Variants in TAT observed in about 807,000 individuals in gnomAD.
The protein encoded by TAT is tyrosine aminotransferase, also known as L-tyrosine:2-oxoglutarate aminotransferase.
In TAT, 35 loss-of-function variants were observed where a neutral mutation model predicts 53.6. The ratio of observed to expected loss-of-function variants is 0.65; its 90% CI spans 0.50 to 0.87. The LOEUF is 0.87. TAT is among the 40% of genes least tolerant of loss of function. The pLI is 0.00. For synonymous variants in TAT, 197 were observed against 206.5 expected, an observed-to-expected ratio of 0.95 and a Z score of 0.39; for missense variants, 525 against 571.8, an observed-to-expected ratio of 0.92 and a Z score of 0.83.
At chr16:71,575,827 C>T in intron 3 of TAT, 95 bp downstream of exon 3, 1 of 1,256,680 alleles carries the variant, frequency 8.0e-7, no homozygotes, top group Non-Finnish European at 1.2e-6. Context: ...AATTGTGCAT[C>T]AGGAAAGTGA....
chr16:71,571,935 A>G, intron 6 of TAT: 1 of 624,202 alleles, frequency 1.6e-6, no homozygotes, highest in Non-Finnish European at 2.8e-6. Context: ...CTTCAACGTG[A>G]TGGGAGTGAT....
chr16:71,569,011 TC>T (rs2044182668), intron 10 of TAT, among the ~76,000 whole-genome samples: 1 of 152,202 alleles, frequency 6.6e-6, no homozygotes, highest in South Asian at 2.1e-4. Flanking sequence ...ATTAAAGAGT[TC>T]CTTCCCTGAT....
chr16:71,573,779 C>A (rs1713205017), intron 3 of TAT, among the ~76,000 whole-genome samples, 173 bp from the exon 4 acceptor site: 1 of 152,022 alleles, frequency 6.6e-6, no homozygotes, highest in Admixed American at 6.6e-5. Flanking sequence ...TATAGTCGTG[C>A]TCCCCCACAT....
At position 71,567,754 on chromosome 16, in the gene TAT, TG is replaced by T; in HGVS notation, c.*389del. The T allele has an allele frequency of 3.8e-5, 12 of 312,908 alleles. No homozygotes were observed. The highest frequency in any genetic ancestry group is 8.9e-5 in the South Asian group (3 of 33,550). 19.4% of individuals were successfully genotyped at this position (312,908 alleles called of 1,614,324 possible). On this transcript the variant is annotated 3_prime_UTR_variant, in exon 12 of 12. Coordinates refer to ENST00000355962, the MANE Select transcript of TAT (RefSeq NM_000353.3). ...AGAGAGCGTGTTCTTTCTTAGAGTC[TG>T]AGGAAATGGTTGGGGGCACAAATTC...
intron 4 of TAT, 128 bp from the exon 5 acceptor site, chr16:71,572,816 T>A: frequency 9.8e-7 from 1 of 1,017,944 alleles, no homozygotes; most frequent in Non-Finnish European, 1.5e-6. Flanking sequence ...GTAGGAAATG[T>A]ACTAAGCCAA....
intron 11 of TAT, 141 bp downstream of exon 11, chr16:71,568,570 C>T: frequency 1.3e-6 from 1 of 779,478 alleles, no homozygotes; most frequent in Non-Finnish European, 2.2e-6. Context: ...AAATAGGATC[C>T]ATGAGACACA....
Position 71,572,517 on chromosome 16 carries a change from A to G in TAT, c.567+13T>C, listed in dbSNP as rs2044209875. Reference sequence around the variant, plus strand: ...AACTGAGCATTTGAGTCTAAGATTAAAAAGTCATTTACCAACAAATTGTAG... The same window carrying G: ...AACTGAGCATTTGAGTCTAAGATTAGAAAGTCATTTACCAACAAATTGTAG... On this transcript the variant is annotated intron_variant, in intron 5 of 11. Coordinates refer to ENST00000355962, the MANE Select transcript of TAT (RefSeq NM_000353.3). 2 of 1,614,080 alleles carry G rather than the reference A, an allele frequency of 1.2e-6. No individual in the cohort carries two copies. The highest frequency in any genetic ancestry group is 1.7e-5 in the Admixed American group (1 of 60,008).
At position 71,568,472 on chromosome 16, in the gene TAT, G is replaced by C. The variant is rs187306732; in HGVS notation, c.1225-188C>G. On this transcript the variant is annotated intron_variant, in intron 11 of 11. Transcript: ENST00000355962. Reference sequence around the variant, plus strand: ...TCATCTTAAAATGACTTGTGGGACAGGATCAATTTCCTCTCACCTAGAACG... The same window carrying C: ...TCATCTTAAAATGACTTGTGGGACACGATCAATTTCCTCTCACCTAGAACG... 1,280 of 690,044 alleles carry C rather than the reference G, an allele frequency of 1.9e-3. 2 individuals carry two copies. Among genetic ancestry groups the C allele is most frequent in the Non-Finnish European group, 2.6e-3 (1,055 of 404,350 alleles). The allele number at this position is 690,044 out of a possible 1,614,324, so 42.7% of individuals were successfully genotyped here.
At position 71,568,109 on chromosome 16, in the gene TAT, A is replaced by G; in HGVS notation, c.*35T>C. 1 of 1,614,082 alleles carries G rather than the reference A, an allele frequency of 6.2e-7. No individual in the cohort carries two copies. The highest frequency in any genetic ancestry group is 8.5e-7 in the Non-Finnish European group (1 of 1,179,972). On this transcript the variant is annotated 3_prime_UTR_variant, in exon 12 of 12. Coordinates refer to ENST00000355962, the MANE Select transcript of TAT (RefSeq NM_000353.3). ...CGCAAGGCCTAGTCCAGCCTTCCCT[A>G]GATGGGACACATCCTCAGGAGAATG... is the stretch of plus-strand genomic sequence containing the variant.
rs1268602692 is a variant in TAT at position 71,567,045 on chromosome 16, T to C, written c.*1099A>G. The C allele has an allele frequency of 6.6e-6, 1 of 152,252 alleles. No individual in the cohort carries two copies. Among genetic ancestry groups the C allele is most frequent in the Non-Finnish European group, 1.5e-5 (1 of 68,046 alleles). The allele number at this position is 152,252 out of a possible 1,614,324, so 9.4% of individuals were successfully genotyped here. A position where few individuals can be genotyped will look rare whatever the true frequency, so the allele number is the denominator to read the frequency against. On this transcript the variant is annotated 3_prime_UTR_variant, in exon 12 of 12. Transcript: ENST00000355962. Reference sequence around the variant, plus strand: ...TGACAAGTGAAGATATTTCTGGCCCTTACACAGTAGTATTTCTGGAAGGTC... The same window carrying C: ...TGACAAGTGAAGATATTTCTGGCCCCTACACAGTAGTATTTCTGGAAGGTC...
At chr16:71,575,603 A>T (rs547098621) in intron 3 of TAT, 1 of 414,070 alleles carries the variant, frequency 2.4e-6, no homozygotes, top group African/African-American at 2.0e-5. Context: ...GCAAACACAA[A>T]GCTCCTGCCA....
Position 71,566,466 on chromosome 16 carries a change from T to G in TAT, c.*1678A>C. On this transcript the variant is annotated 3_prime_UTR_variant, in exon 12 of 12. Transcript: ENST00000355962. ...ACAGGCAACTGTGCCTATGAAGATT[T>G]GCGAAAAAAAAAAAAAAAAAAAAAC... 1 of 118,324 alleles carries G rather than the reference T, an allele frequency of 8.5e-6. No individual in the cohort carries two copies. The highest frequency in any genetic ancestry group is 1.7e-5 in the Non-Finnish European group (1 of 57,450). The allele number at this position is 118,324 out of a possible 1,614,324, so 7.3% of individuals were successfully genotyped here.
chr16:71,569,895 C>T lies in TAT; in HGVS notation c.1084G>A (p.Gly362Arg). The T allele has an allele frequency of 1.9e-6, 3 of 1,613,952 alleles. No individual in the cohort carries two copies. The highest frequency in any genetic ancestry group is 2.5e-6 in the Non-Finnish European group (3 of 1,179,964). Residue 362 changes from glycine to arginine, a missense_variant, in exon 10 of 12, where the codon GGA becomes AGA. Physicochemically the swap from Gly to Arg is moderately radical, Grantham distance 125. Coordinates refer to ENST00000355962, the MANE Select transcript of TAT (RefSeq NM_000353.3). The stretch of plus-strand genomic sequence containing the variant: ...CCAGAAGGGCGGACTGGCCGGAGTC[C>T]AGGGATGGCAGCCAACGCCCCATAA... Reference protein sequence around the residue: ...LCYGALAAIPGLRPVRPSGAM... With the variant: ...LCYGALAAIPRLRPVRPSGAM...
chr16:71,571,197 A>T (rs2044200626), intron 7 of TAT, among the ~76,000 whole-genome samples: 1 of 152,184 alleles, frequency 6.6e-6, no homozygotes, highest in Non-Finnish European at 1.5e-5. Flanking sequence ...TCATAATGCA[A>T]AATGGTTTGG....
rs1042147527 is a variant in TAT, at chr16:71,567,630, A to G, written c.*514T>C. The stretch of plus-strand genomic sequence containing the variant: ...TGTGTTTAAAATGTAATCACCAAAT[A>G]CATGTGTCCCCAACTTCTTTCCAGT... On this transcript the variant is annotated 3_prime_UTR_variant, in exon 12 of 12. Coordinates refer to ENST00000355962, the MANE Select transcript of TAT (RefSeq NM_000353.3). The G allele has an allele frequency of 1.9e-5, 3 of 159,686 alleles. No homozygotes were observed. Among genetic ancestry groups the G allele is most frequent in the African/African-American group, 7.2e-5 (3 of 41,572 alleles). 9.9% of individuals were successfully genotyped at this position (159,686 alleles called of 1,614,324 possible).
At chr16:71,576,481 G>C (rs2044236255) in intron 1 of TAT, 54 bp from the exon 2 acceptor site, 4 of 1,469,986 alleles carry the variant, frequency 2.7e-6, no homozygotes, top group Admixed American at 1.7e-5. Context: ...CTGGGGGACA[G>C]AGGAGCTACA....
chr16:71,575,188 A>T (rs1489206673), intron 3 of TAT: 1 of 152,228 alleles, frequency 6.6e-6, no homozygotes, highest in East Asian at 1.9e-4. Flanking sequence ...TGTTTTTAAA[A>T]TTTGATTTTA....
intron 5 of TAT, 41 bp downstream of exon 5, chr16:71,572,489 A>G: frequency 1.2e-6 from 2 of 1,613,610 alleles, no homozygotes; most frequent in Non-Finnish European, 1.7e-6. Flanking sequence ...TTTACAGGTT[A>G]GTAACTGAGC....
intron 4 of TAT, 106 bp downstream of exon 4, chr16:71,573,433 C>T: frequency 9.4e-7 from 1 of 1,059,882 alleles, no homozygotes; most frequent in Non-Finnish European, 1.4e-6. Context: ...AAATTGTTCT[C>T]AGCTTTTCCC....
Sources: gnomAD v4.1 joint callset for allele counts (sites outside exome capture counted in the v4.1 genomes callset) on GRCh38, gnomAD v4.1.1 for gene constraint, MANE v1.5 for transcripts, NCBI Gene and HGNC (gene_info 2026-07-23, HGNC 2026-07-21) for gene names.